NOL4L: variants seen among roughly 807,000 people sequenced by gnomAD.
The protein encoded by NOL4L is nucleolar protein 4-like.
A neutral mutation model predicts 64.5 loss-of-function variants in NOL4L; 7 were observed. The ratio of observed to expected loss-of-function variants is 0.11; its 90% CI spans 0.06 to 0.20. The LOEUF is 0.20. Ranked by LOEUF, NOL4L falls within the 10% of genes least tolerant of loss-of-function variation. The pLI is 1.00. For synonymous variants in NOL4L, 413 were observed against 401.0 expected, an observed-to-expected ratio of 1.03 and a Z score of -0.36; for missense variants, 680 against 967.1, an observed-to-expected ratio of 0.70 and a Z score of 3.94.
intron 1 of NOL4L, chr20:32,537,033 C>T (rs1405902999): frequency 4.1e-6 from 4 of 983,170 alleles, no homozygotes; most frequent in South Asian, 9.4e-5. Context: ...GCCCCGCCAA[C>T]CGGCTCCCGG....
At chr20:32,497,162 T>C (rs753266961) in intron 4 of NOL4L, among the ~76,000 whole-genome samples, 5 of 151,498 alleles carry the variant, frequency 3.3e-5, no homozygotes, top group Non-Finnish European at 5.9e-5. Flanking sequence ...TTATCTCTAA[T>C]TGATCTCCAG....
chr20:32,515,581 C>T lies in NOL4L; in HGVS notation c.590-4125G>A, dbSNP rs1227517924. 4.0e-5 allele frequency among the ~76,000 whole-genome samples: 6 copies of T among 150,994 alleles called. No individual in the cohort carries two copies. The East Asian group carries it at 1.2e-3, about 29-fold the overall frequency. On this transcript the variant is annotated intron_variant, in intron 3 of 10. Coordinates refer to ENST00000621426, the MANE Select transcript of NOL4L (RefSeq NM_001256798.2). ...GAGACGGAGCAGGGGCCAGTGGAAG[C>T]CGCAGAGTCAGATGCTCACCAGTGA...
Position 32,463,001 on chromosome 20 carries a change from C to T in NOL4L, c.842-6606G>A, listed in dbSNP as rs1258171068. 6.6e-6 allele frequency among the ~76,000 whole-genome samples: 1 copy of T among 151,278 alleles called. No individual in the cohort carries two copies. The highest frequency in any genetic ancestry group is 1.5e-5 in the Non-Finnish European group (1 of 67,906). On this transcript the variant is annotated intron_variant, in intron 5 of 10. Transcript: ENST00000621426. The surrounding 1 kb of genome is among the most constrained non-coding windows in gnomAD (Gnocchi z 5.8). ...CAGTGGGGCCCGGGCAGGGATGGTG[C>T]TGGTGTAGGGTCCTGCAGTCTGGGC...
rs1437687911 is a variant in NOL4L, at chr20:32,445,421, T to TA, written c.*2174dup. ...GAGAAGTGACACGTTAAGTAACTGA[T>TA]ACCAGGAATTCTAGGGTGGCGATTG... On this transcript the variant is annotated 3_prime_UTR_variant, in exon 11 of 11. Coordinates refer to ENST00000621426, the MANE Select transcript of NOL4L (RefSeq NM_001256798.2). 6.6e-6 allele frequency: 1 copy of TA among 152,226 alleles called. No homozygotes were observed. The highest frequency in any genetic ancestry group is 1.5e-5 in the Non-Finnish European group (1 of 68,032). The allele number at this position is 152,226 out of a possible 1,614,324, so 9.4% of individuals were successfully genotyped here.
At chr20:32,470,352 C>T (rs899356510) in intron 5 of NOL4L, among the ~76,000 whole-genome samples, 3 of 152,256 alleles carry the variant, frequency 2.0e-5, no homozygotes, top group Non-Finnish European at 2.9e-5. Flanking sequence ...CGCACTGGCT[C>T]ACCTGCCTCC....
chr20:32,453,514 T>C lies in NOL4L; in HGVS notation c.1306-19A>G, dbSNP rs377350087. The C allele has an allele frequency of 3.1e-5, 50 of 1,613,242 alleles. No individual in the cohort carries two copies. Among genetic ancestry groups the C allele is most frequent in the Non-Finnish European group, 3.7e-5 (44 of 1,179,356 alleles). ...CAAACATCTGTGGAGACACGGGCCATGGGAAGGGCTGGCCCTGGCCTTGCC... is the reference window on the plus strand; with the variant it reads ...CAAACATCTGTGGAGACACGGGCCACGGGAAGGGCTGGCCCTGGCCTTGCC... On this transcript the variant is annotated intron_variant, in intron 7 of 10. Transcript: ENST00000621426. The surrounding 1 kb of genome is among the most constrained non-coding windows in gnomAD (Gnocchi z 5.6).
intron 4 of NOL4L, among the ~76,000 whole-genome samples, chr20:32,477,819 C>T (rs905674374): frequency 2.0e-5 from 3 of 152,230 alleles, no homozygotes; most frequent in African/African-American, 7.2e-5. Context: ...ATGCCCCCTC[C>T]AACCCTCACT....
At chr20:32,509,562 G>A (rs933672119) in intron 4 of NOL4L, among the ~76,000 whole-genome samples, 4 of 151,536 alleles carry the variant, frequency 2.6e-5, no homozygotes, top group Non-Finnish European at 5.9e-5. Context: ...AAATCTAGGG[G>A]TACTGCTGTT....
At chr20:32,454,533 A>G (rs2013281034) in intron 6 of NOL4L, among the ~76,000 whole-genome samples, 2 of 152,118 alleles carry the variant, frequency 1.3e-5, no homozygotes, top group South Asian at 4.1e-4. Context: ...TCTCCTTAGG[A>G]GCAGCTCCCT....
chr20:32,532,488 A>C, intron 1 of NOL4L: 1 of 453,790 alleles, frequency 2.2e-6, no homozygotes, highest in Non-Finnish European at 2.9e-6. Context: ...CCTTGCATCC[A>C]TGGAGGTAAT....
At position 32,464,252 on chromosome 20, in the gene NOL4L, G is replaced by A. The variant is rs923846583; in HGVS notation, c.842-7857C>T. On this transcript the variant is annotated intron_variant, in intron 5 of 10. Coordinates refer to ENST00000621426, the MANE Select transcript of NOL4L (RefSeq NM_001256798.2). This position sits in a 1 kb window ranked among gnomAD's most constrained non-coding sequence, Gnocchi z 5.6. ...CGCCCAGGCTGTGTTTACACGATGC[G>A]TAGTTCCAAGGAGCACCAGGCTCAG... is the stretch of plus-strand genomic sequence containing the variant. Among the ~76,000 whole-genome samples, 6 of 152,232 alleles carry A rather than the reference G, an allele frequency of 3.9e-5. No homozygotes were observed. Among genetic ancestry groups the A allele is most frequent in the African/African-American group, 9.7e-5 (4 of 41,450 alleles).
chr20:32,540,669 C>T (rs2018638182), intron 1 of NOL4L, among the ~76,000 whole-genome samples: 1 of 152,142 alleles, frequency 6.6e-6, no homozygotes, highest in Admixed American at 6.5e-5. Context: ...CTGTTGCCTC[C>T]GTTTCCCCAT....
chr20:32,481,064 A>G (rs981481000), intron 4 of NOL4L, among the ~76,000 whole-genome samples: 1 of 152,080 alleles, frequency 6.6e-6, no homozygotes, highest in African/African-American at 2.4e-5. Flanking sequence ...TCTCCCTCAC[A>G]CTCACTCACA....
chr20:32,538,593 G>C (rs561678147), intron 1 of NOL4L, among the ~76,000 whole-genome samples: 223 of 152,218 alleles, frequency 1.5e-3, no homozygotes, highest in African/African-American at 5.2e-3. Context: ...GAGGAGGGGT[G>C]GGGGGAGACT....
rs538394511 is a variant in NOL4L at position 32,497,145 on chromosome 20, A to G, written c.699+14202T>C. On this transcript the variant is annotated intron_variant, in intron 4 of 10. Transcript: ENST00000621426. Reference sequence around the variant, plus strand: ...TGGCCATGCTTCTTCCAGTCCACCCAAAGCCATTATCTCTAATTGATCTCC... The same window carrying G: ...TGGCCATGCTTCTTCCAGTCCACCCGAAGCCATTATCTCTAATTGATCTCC... Among the ~76,000 whole-genome samples the G allele has an allele frequency of 4.6e-5, 7 of 150,612 alleles. No homozygotes were observed. The South Asian group carries it at 1.5e-3, about 32-fold the overall frequency.
Position 32,453,617 on chromosome 20 carries a change from C to T in NOL4L, c.1264G>A (p.Asp422Asn). The change falls in exon 7 of 11, where the codon GAC becomes AAC. Residue 422 changes from aspartate (D) to asparagine (N), a missense_variant. This residue lies in a region of NOL4L where 70 missense variants were observed against 166.1 expected (regional missense o/e 0.42). Transcript: ENST00000621426. This position sits in a 1 kb window ranked among gnomAD's most constrained non-coding sequence, Gnocchi z 5.6. The stretch of plus-strand genomic sequence containing the variant: ...CGCTCAGGGTCCATGCCTTCAGAGT[C>T]GTTCATCTTGTCATTGTCCTCATGG... ...DDHEDNDKMN[D>N]SEGMDPERLK... 3 of 1,612,932 alleles carry T rather than the reference C, an allele frequency of 1.9e-6. No individual in the cohort carries two copies. The highest frequency in any genetic ancestry group is 2.5e-6 in the Non-Finnish European group (3 of 1,179,428).
At chr20:32,516,865 G>A (rs1176692302) in intron 3 of NOL4L, among the ~76,000 whole-genome samples, 3 of 152,248 alleles carry the variant, frequency 2.0e-5, no homozygotes, top group Non-Finnish European at 2.9e-5. Context: ...GGAAGAGTCA[G>A]CATTGCTGCC....
chr20:32,497,103 A>G (rs984920379), intron 4 of NOL4L, among the ~76,000 whole-genome samples: 6 of 150,546 alleles, frequency 4.0e-5, no homozygotes, highest in Non-Finnish European at 8.8e-5. Flanking sequence ...AAACACAATC[A>G]TGACCAGGAA....
At position 32,453,828 on chromosome 20, in the gene NOL4L, C is replaced by T. The variant is rs1914201948; in HGVS notation, c.1120-67G>A. On this transcript the variant is annotated intron_variant, in intron 6 of 10. Coordinates refer to ENST00000621426, the MANE Select transcript of NOL4L (RefSeq NM_001256798.2). This position sits in a 1 kb window ranked among gnomAD's most constrained non-coding sequence, Gnocchi z 5.6. ...GCTCAAGCCCTTGCTGGGTCTCCTACAGGCGGTGAGCTTGGGGACCAGGGT... is the reference window on the plus strand; with the variant it reads ...GCTCAAGCCCTTGCTGGGTCTCCTATAGGCGGTGAGCTTGGGGACCAGGGT... 2.0e-6 allele frequency: 3 copies of T among 1,474,306 alleles called. No homozygotes were observed. The highest frequency in any genetic ancestry group is 2.8e-6 in the Non-Finnish European group (3 of 1,085,268). The allele number at this position is 1,474,306 out of a possible 1,614,324, so 91.3% of individuals were successfully genotyped here.
Sources: gnomAD v4.1 joint callset for allele counts (sites outside exome capture counted in the v4.1 genomes callset) on GRCh38, gnomAD v4.1.1 for gene constraint, gnomAD v4.1.1 regional missense constraint, Gnocchi (gnomAD v3.1) non-coding constraint, MANE v1.5 for transcripts, NCBI Gene and HGNC (gene_info 2026-07-23, HGNC 2026-07-21) for gene names.